RARB: variants seen among roughly 807,000 people sequenced by gnomAD.
RARB encodes the protein retinoic acid receptor beta.
A neutral mutation model predicts 51.9 loss-of-function variants in RARB; 17 were observed. The observed-to-expected ratio is 0.33, with a 90% CI of 0.22 to 0.49. The LOEUF (loss-of-function observed/expected upper bound fraction) is 0.49, where lower values mean the gene tolerates loss of function less well. Ranked by LOEUF, RARB falls within the 20% of genes least tolerant of loss-of-function variation. RARB has a pLI of 0.99. For synonymous variants in RARB, 215 were observed against 195.4 expected, an observed-to-expected ratio of 1.10 and a Z score of -0.84; for missense variants, 369 against 550.8, an observed-to-expected ratio of 0.67 and a Z score of 3.30.
intron 5 of RARB, among the ~76,000 whole-genome samples, chr3:25,414,075 T>TC (rs5847354): frequency 0.64 from 97,593 of 151,916 alleles, 31,796 homozygotes; most frequent in East Asian, 0.81. Flanking sequence ...CGCTCCCTTT[T>TC]CCCTAAGCCC....
chr3:25,379,608 C>T (rs747661638), intron 5 of RARB, among the ~76,000 whole-genome samples: 5 of 152,168 alleles, frequency 3.3e-5, no homozygotes, highest in Non-Finnish European at 5.9e-5. Context: ...TCAGCAAGTA[C>T]ACTTGGAAAA....
chr3:25,435,537 T>G (rs928684422), intron 1 of RARB, among the ~76,000 whole-genome samples: 1 of 150,714 alleles, frequency 6.6e-6, no homozygotes, highest in Non-Finnish European at 1.5e-5. Context: ...ATTGGAAAGC[T>G]TGGGGGTTTA....
At chr3:25,006,920 G>A (rs1383088529) in intron 2 of RARB, among the ~76,000 whole-genome samples, 2 of 152,140 alleles carry the variant, frequency 1.3e-5, no homozygotes, top group African/African-American at 4.8e-5. Context: ...CAGAAGGTCA[G>A]TGACTAAATA....
chr3:25,167,775 G>C (rs528840549), intron 4 of RARB, among the ~76,000 whole-genome samples: 39 of 152,076 alleles, frequency 2.6e-4, no homozygotes, highest in African/African-American at 7.7e-4. Flanking sequence ...ACTGGAGGAA[G>C]ATGTGAAAGG....
At chr3:25,013,312 G>A (rs1697437233) in intron 2 of RARB, among the ~76,000 whole-genome samples, 1 of 152,092 alleles carries the variant, frequency 6.6e-6, no homozygotes, top group African/African-American at 2.4e-5. Context: ...TTGGCTCCCT[G>A]AAATGGCCCA....
At chr3:24,859,761 C>G (rs912572408) in intron 2 of RARB, among the ~76,000 whole-genome samples, 1 of 152,154 alleles carries the variant, frequency 6.6e-6, no homozygotes, top group African/African-American at 2.4e-5. Context: ...ATATTTTAGG[C>G]TTTTTGTGGG....
intron 4 of RARB, among the ~76,000 whole-genome samples, chr3:25,136,794 A>G (rs551065892): frequency 6.6e-6 from 1 of 152,082 alleles, no homozygotes; most frequent in Admixed American, 6.6e-5. Flanking sequence ...CCTTAGAAGA[A>G]CCATCCTTGG....
chr3:25,342,276 A>G (rs988470553), intron 5 of RARB, among the ~76,000 whole-genome samples: 1 of 152,234 alleles, frequency 6.6e-6, no homozygotes, highest in Non-Finnish European at 1.5e-5. Flanking sequence ...AACTCTATGT[A>G]TAACATTTTT....
At chr3:25,384,420 A>G (rs1400957332) in intron 5 of RARB, among the ~76,000 whole-genome samples, 1 of 152,196 alleles carries the variant, frequency 6.6e-6, no homozygotes, top group Non-Finnish European at 1.5e-5. Context: ...TGTCCTCTAT[A>G]TTGGGCAAAA....
chr3:24,843,788 T>A (rs1002182240), intron 1 of RARB, among the ~76,000 whole-genome samples: 2 of 152,064 alleles, frequency 1.3e-5, no homozygotes, highest in Non-Finnish European at 2.9e-5. Context: ...CAGCCAAGTT[T>A]GAGAAGCACT....
At chr3:25,017,560 C>G (rs1187048960) in intron 2 of RARB, among the ~76,000 whole-genome samples, 1 of 152,120 alleles carries the variant, frequency 6.6e-6, no homozygotes, top group African/African-American at 2.4e-5. Context: ...TTAACTTCAG[C>G]TGTTTGATTG....
chr3:25,486,585 T>C (rs562738722), intron 2 of RARB, among the ~76,000 whole-genome samples: 1 of 152,292 alleles, frequency 6.6e-6, no homozygotes, highest in African/African-American at 2.4e-5. Context: ...TTATGACAGG[T>C]CTTCAACTTA....
chr3:24,900,851 TAGGA>T (rs1703589537), intron 2 of RARB, among the ~76,000 whole-genome samples: 1 of 152,106 alleles, frequency 6.6e-6, no homozygotes, highest in African/African-American at 2.4e-5. Flanking sequence ...GTGATTATAA[TAGGA>T]AGGAATATGA....
At chr3:25,363,786 G>T (rs988957197) in intron 5 of RARB, among the ~76,000 whole-genome samples, 1 of 152,194 alleles carries the variant, frequency 6.6e-6, no homozygotes, top group East Asian at 1.9e-4. Flanking sequence ...TCCTCTCAAA[G>T]TCCTACATGA....
intron 5 of RARB, among the ~76,000 whole-genome samples, chr3:25,201,520 G>A (rs1198416770): frequency 3.3e-5 from 5 of 152,098 alleles, no homozygotes; most frequent in Admixed American, 2.6e-4. Flanking sequence ...GTTTTCAAAG[G>A]GAATGCTTCC....
At position 25,367,054 on chromosome 3, in the gene RARB, A is replaced by C. The variant is rs1002983370; in HGVS notation, c.179-94139A>C. ...CATACCCTCCTTATTGCCAGCCAAG[A>C]GTTCATATTCCATCTTTTCTTTCTT... On this transcript the variant is annotated intron_variant, in intron 5 of 11. Transcript: ENST00000383772. Among the ~76,000 whole-genome samples the C allele has an allele frequency of 2.0e-5, 3 of 152,324 alleles. No homozygotes were observed. In the East Asian group the frequency reaches 5.8e-4, roughly 29 times the overall value.
chr3:25,388,458 T>C (rs2125485169), intron 5 of RARB, among the ~76,000 whole-genome samples: 1 of 152,334 alleles, frequency 6.6e-6, no homozygotes, highest in South Asian at 2.1e-4. Flanking sequence ...AGTTTTCCAG[T>C]TCATTCTTCA....
At chr3:25,198,164 A>G (rs1473190055) in intron 5 of RARB, among the ~76,000 whole-genome samples, 1 of 151,876 alleles carries the variant, frequency 6.6e-6, no homozygotes, top group Non-Finnish European at 1.5e-5. Context: ...CCAACAACAT[A>G]CATTTTGGAA....
chr3:25,515,298 G>A (rs909973968), intron 3 of RARB, among the ~76,000 whole-genome samples: 13 of 152,346 alleles, frequency 8.5e-5, no homozygotes, highest in African/African-American at 2.9e-4. Flanking sequence ...GAAATGTGAA[G>A]CAACTGGAAC....
Sources: allele counts gnomAD v4.1 joint callset (sites outside exome capture counted in the v4.1 genomes callset), GRCh38; gene constraint gnomAD v4.1.1; transcripts MANE v1.5; gene names NCBI Gene and HGNC (gene_info 2026-07-23, HGNC 2026-07-21).